TAFA4: variants seen among roughly 807,000 people sequenced by gnomAD.
TAFA4 encodes chemokine-like protein TAFA-4.
TAFA4 carries 20 observed loss-of-function variants against 21.1 expected under a neutral mutation model. The ratio of observed to expected loss-of-function variants is 0.95; its 90% confidence interval spans 0.67 to 1.38. The LOEUF is 1.38. Among genes scored for constraint, TAFA4 ranks in the 40% most tolerant of loss-of-function variants. The pLI, the probability that TAFA4 is intolerant of heterozygous loss-of-function variation, is 0.00. For synonymous variants in TAFA4, 71 were observed against 67.4 expected, an observed-to-expected ratio of 1.05 and a Z score of -0.26; for missense variants, 211 against 180.9, an observed-to-expected ratio of 1.17 and a Z score of -0.95.
chr3:68,825,611 G>A (rs1704211975), intron 3 of TAFA4, among the ~76,000 whole-genome samples: 2 of 151,800 alleles, frequency 1.3e-5, no homozygotes, highest in South Asian at 4.1e-4. Context: ...TTCAGGATAG[G>A]GAGAATAAAA....
chr3:68,753,097 G>A, intron 3 of TAFA4, 79 bp from the exon 4 acceptor site: 1 of 1,375,016 alleles, frequency 7.3e-7, no homozygotes, highest in Non-Finnish European at 1.0e-6. Context: ...ATGATGCTAT[G>A]ATGACATTTT....
At chr3:68,890,163 G>A (rs2089716359) in intron 1 of TAFA4, among the ~76,000 whole-genome samples, 2 of 152,170 alleles carry the variant, frequency 1.3e-5, no homozygotes. Flanking sequence ...GCGGGAAGAA[G>A]TCAAGAAGAA....
At chr3:68,901,233 T>G (rs1235685568) in intron 1 of TAFA4, among the ~76,000 whole-genome samples, 3 of 152,090 alleles carry the variant, frequency 2.0e-5, no homozygotes, top group Admixed American at 6.6e-5. Flanking sequence ...TGAAGGTCAT[T>G]CTATTTTTAG....
intron 5 of TAFA4, among the ~76,000 whole-genome samples, chr3:68,736,054 T>C (rs1702235617): frequency 6.6e-6 from 1 of 152,084 alleles, no homozygotes; most frequent in Non-Finnish European, 1.5e-5. Flanking sequence ...TCACCCTTAG[T>C]AGAGGATTCA....
chr3:68,776,333 A>T (rs967608282), intron 3 of TAFA4, among the ~76,000 whole-genome samples: 3 of 152,216 alleles, frequency 2.0e-5, no homozygotes, highest in Admixed American at 6.5e-5. Flanking sequence ...AAGATACACC[A>T]TACAGAAAGT....
rs1486532752 is a variant in TAFA4 at position 68,916,338 on chromosome 3, C to G, written c.-123+15902G>C. 3.9e-5 allele frequency: 6 copies of G among 152,170 alleles called. No individual in the cohort carries two copies. The East Asian group carries it at 9.6e-4, about 24-fold the overall frequency. 9.4% of individuals were successfully genotyped at this position (152,170 alleles called of 1,614,324 possible). ...TAATAGCCTTGACAGTTTTCTTCTT[C>G]TTGCCCCCAAACCACTGAGTATCTC... On this transcript the variant is annotated intron_variant, in intron 1 of 5. Coordinates refer to ENST00000295569, the MANE Select transcript of TAFA4 (RefSeq NM_182522.5).
At chr3:68,906,459 A>C (rs1472928630) in intron 1 of TAFA4, among the ~76,000 whole-genome samples, 1 of 152,206 alleles carries the variant, frequency 6.6e-6, no homozygotes, top group African/African-American at 2.4e-5. Context: ...TGTTTACATT[A>C]GTTCATTTGA....
intron 5 of TAFA4, among the ~76,000 whole-genome samples, chr3:68,734,394 A>G (rs1460640461): frequency 2.6e-5 from 4 of 152,038 alleles, no homozygotes; most frequent in African/African-American, 9.7e-5. Context: ...GTAAGGTAGT[A>G]CGATACAGGA....
At chr3:68,898,700 C>T (rs1055378723) in intron 1 of TAFA4, among the ~76,000 whole-genome samples, 1 of 152,240 alleles carries the variant, frequency 6.6e-6, no homozygotes, top group South Asian at 2.1e-4. Flanking sequence ...AAATATCGGA[C>T]CAATCAAGCA....
chr3:68,836,015 A>G (rs1364920262), intron 3 of TAFA4, among the ~76,000 whole-genome samples: 8 of 152,206 alleles, frequency 5.3e-5, no homozygotes, highest in Non-Finnish European at 5.9e-5. Context: ...TATATGCAAT[A>G]TTATTACAAA....
At chr3:68,862,549 C>T (rs764501862) in intron 3 of TAFA4, among the ~76,000 whole-genome samples, 5 of 152,042 alleles carry the variant, frequency 3.3e-5, no homozygotes, top group Admixed American at 6.6e-5. Flanking sequence ...GGATAGTCAT[C>T]GACAGAGATT....
intron 1 of TAFA4, among the ~76,000 whole-genome samples, chr3:68,900,240 TTAA>T (rs3048092): frequency 0.25 from 33,459 of 132,408 alleles, 4,790 homozygotes; most frequent in South Asian, 0.45. Flanking sequence ...AGACTCTCTC[TTAA>T]TAATAATAAT....
chr3:68,797,152 T>C (rs1198839801), intron 3 of TAFA4, among the ~76,000 whole-genome samples: 2 of 152,160 alleles, frequency 1.3e-5, no homozygotes, highest in African/African-American at 2.4e-5. Flanking sequence ...TCTGGATATA[T>C]ATCCAAAAGA....
intron 3 of TAFA4, among the ~76,000 whole-genome samples, chr3:68,851,411 G>T (rs9841343): frequency 0.3 from 45,935 of 151,902 alleles, 7,220 homozygotes; most frequent in Middle Eastern, 0.35. Flanking sequence ...CCTAGGTGAT[G>T]GGTTGATAGG....
At chr3:68,849,242 A>T (rs974751262) in intron 3 of TAFA4, among the ~76,000 whole-genome samples, 5 of 152,200 alleles carry the variant, frequency 3.3e-5, no homozygotes, top group African/African-American at 1.2e-4. Context: ...ATCGACACAA[A>T]TTCTTCTATG....
chr3:68,800,565 C>G lies in TAFA4; in HGVS notation c.131-47547G>C, dbSNP rs572029294. On this transcript the variant is annotated intron_variant, in intron 3 of 5. Coordinates refer to ENST00000295569, the MANE Select transcript of TAFA4 (RefSeq NM_182522.5). ...CCCTCAATTTTGCTTATGAAGGAAA[C>G]TGAGCCACAGAGTGGCCAAGCAACT... Among the ~76,000 whole-genome samples the G allele has an allele frequency of 5.1e-4, 78 of 152,302 alleles. 1 individual carries two copies. In the South Asian group the frequency reaches 0.016, roughly 30 times the overall value.
chr3:68,851,819 G>A (rs575352083), intron 3 of TAFA4, among the ~76,000 whole-genome samples: 1 of 152,282 alleles, frequency 6.6e-6, no homozygotes, highest in South Asian at 2.1e-4. Context: ...CAATGAGGCT[G>A]TATCCTGGGA....
chr3:68,815,103 C>G (rs560456836), intron 3 of TAFA4, among the ~76,000 whole-genome samples: 1 of 152,178 alleles, frequency 6.6e-6, no homozygotes, highest in Admixed American at 6.5e-5. Flanking sequence ...GGAAACCTGG[C>G]TAGCCATATG....
intron 3 of TAFA4, among the ~76,000 whole-genome samples, chr3:68,853,392 G>T (rs1448585482): frequency 1.3e-5 from 2 of 151,962 alleles, no homozygotes; most frequent in South Asian, 2.1e-4. Flanking sequence ...TAAATGCATG[G>T]TTTATCATTT....
Sources: allele counts gnomAD v4.1 joint callset (sites outside exome capture counted in the v4.1 genomes callset), GRCh38; gene constraint gnomAD v4.1.1; transcripts MANE v1.5; gene names NCBI Gene and HGNC (gene_info 2026-07-23, HGNC 2026-07-21).